MINK1: variants seen among roughly 807,000 people sequenced by gnomAD.
The protein encoded by MINK1 is misshapen like kinase 1.
Under a neutral mutation model 178.4 loss-of-function variants are expected in MINK1, and 46 were observed. That is an observed-to-expected ratio of 0.26 (90% CI 0.20 to 0.33). The LOEUF (loss-of-function observed/expected upper bound fraction) is 0.33. Ranked by LOEUF, MINK1 falls within the 10% of genes least tolerant of loss-of-function variation. The pLI is 1.00. For synonymous variants in MINK1, 797 were observed against 709.7 expected, an observed-to-expected ratio of 1.12 and a Z score of -1.96; for missense variants, 1,366 against 1,814.9, an observed-to-expected ratio of 0.75 and a Z score of 4.49.
In MINK1 at chr17:4,890,675, G is replaced by T; in HGVS notation, c.1506G>T (p.Lys502Asn). ...AGCAGCTCCTGCCTGGGGACAGGAA[G>T]CCCCTGTACCATTATGGTCGGGGCA... ...QQQQLLPGDR[K>N]PLYHYGRGMN... Residue 502 changes from lysine (K) to asparagine (N), a missense_variant, in exon 14 of 32, where the codon AAG becomes AAT. By Grantham distance (94) the Lys-to-Asn change is moderately conservative. Transcript: ENST00000355280. 6.4e-7 allele frequency: 1 copy of T among 1,551,088 alleles called. No homozygotes were observed. The highest frequency in any genetic ancestry group is 1.2e-5 in the South Asian group (1 of 84,036).
At chr17:4,834,146 G>C (rs1417383464) in intron 1 of MINK1, among the ~76,000 whole-genome samples, 2 of 151,962 alleles carry the variant, frequency 1.3e-5, no homozygotes, top group East Asian at 3.9e-4. Context: ...TCCTTTCCCT[G>C]GTCGGAATTT....
At chr17:4,851,982 A>C (rs1332031280) in intron 1 of MINK1, among the ~76,000 whole-genome samples, 1 of 141,322 alleles carries the variant, frequency 7.1e-6, no homozygotes, top group Admixed American at 7.1e-5. Context: ...CCTGGGCAAC[A>C]GAGTGAGACT....
intron 15 of MINK1, 76 bp downstream of exon 15, chr17:4,891,200 G>GCACGCACACA (rs1555541453): frequency 1.3e-5 from 13 of 1,004,128 alleles, no homozygotes; most frequent in South Asian, 7.2e-5. Flanking sequence ...ACACACGCGC[G>GCACGCACACA]CACACACACA....
At chr17:4,892,866 A>C in intron 19 of MINK1, 98 bp downstream of exon 19, 3 of 1,379,122 alleles carry the variant, frequency 2.2e-6, no homozygotes, top group Non-Finnish European at 3.0e-6. Context: ...CCACACGGAC[A>C]GGGAGGACCT....
intron 1 of MINK1, chr17:4,847,168 T>C (rs1911168472): frequency 8.3e-6 from 4 of 483,426 alleles, no homozygotes; most frequent in Middle Eastern, 3.2e-4. Context: ...TTTGAGGCAA[T>C]GTGATCCATG....
intron 1 of MINK1, among the ~76,000 whole-genome samples, chr17:4,873,113 T>G (rs1418594553): frequency 2.0e-5 from 3 of 152,186 alleles, no homozygotes. Flanking sequence ...CTTATCCCCC[T>G]GCAGCCTCCA....
chr17:4,888,424 TC>T (rs1968427509), intron 12 of MINK1, among the ~76,000 whole-genome samples: 2 of 151,892 alleles, frequency 1.3e-5, no homozygotes, highest in Admixed American at 6.6e-5. Context: ...GATCGTGAGA[TC>T]AGGAGTTCGA....
intron 1 of MINK1, chr17:4,871,074 G>A: frequency 2.7e-6 from 1 of 368,328 alleles, no homozygotes; most frequent in Non-Finnish European, 5.7e-6. Context: ...CACATAATAT[G>A]TGGCCTTTTG....
chr17:4,861,875 G>C (rs1436894516), intron 1 of MINK1, among the ~76,000 whole-genome samples: 4 of 152,192 alleles, frequency 2.6e-5, no homozygotes, highest in Non-Finnish European at 5.9e-5. Context: ...AGAAGCTCTA[G>C]TGAGTGAGAG....
chr17:4,841,548 C>G (rs1448416803), intron 1 of MINK1, among the ~76,000 whole-genome samples: 1 of 147,830 alleles, frequency 6.8e-6, no homozygotes, highest in Non-Finnish European at 1.5e-5. Context: ...CCAGCCTTTA[C>G]TGATCACATC....
intron 17 of MINK1, 82 bp from the exon 18 acceptor site, chr17:4,892,320 C>T (rs1200890968): frequency 1.1e-5 from 16 of 1,440,286 alleles, no homozygotes; most frequent in Admixed American, 4.7e-5. Flanking sequence ...CCAGCCTACC[C>T]GCCTGGGGGT....
intron 1 of MINK1, chr17:4,857,238 CACATG>C (rs1332748350): frequency 1.5e-5 from 4 of 269,046 alleles, no homozygotes; most frequent in Non-Finnish European, 1.5e-5. Context: ...CAGCTCTGGC[CACATG>C]ACAGACATGG....
intron 1 of MINK1, among the ~76,000 whole-genome samples, chr17:4,861,522 T>C (rs34430539): frequency 7.9e-5 from 12 of 152,028 alleles, no homozygotes; most frequent in Non-Finnish European, 1.6e-4. Context: ...TTTTTTTGAG[T>C]TGGAGTCTCA....
In MINK1 at chr17:4,887,088, C is replaced by A; in HGVS notation, c.950-22C>A. Reference sequence around the variant, plus strand: ...GGGTCTGGGGCGCTGGGTGAGATAACTGCAGTGGCCTCCCCCTGCAGAGGA... The same window carrying A: ...GGGTCTGGGGCGCTGGGTGAGATAAATGCAGTGGCCTCCCCCTGCAGAGGA... On this transcript the variant is annotated intron_variant, in intron 10 of 31. Transcript: ENST00000355280. This position sits in a 1 kb window ranked among gnomAD's most constrained non-coding sequence, Gnocchi z 7.6. 1 of 1,571,992 alleles carries A rather than the reference C, an allele frequency of 6.4e-7. No individual in the cohort carries two copies. Among genetic ancestry groups the A allele is most frequent in the Non-Finnish European group, 8.6e-7 (1 of 1,158,262 alleles).
At chr17:4,870,704 A>C (rs1436608339) in intron 1 of MINK1, among the ~76,000 whole-genome samples, 2 of 152,078 alleles carry the variant, frequency 1.3e-5, no homozygotes, top group Admixed American at 1.3e-4. Context: ...GCGCACCTGT[A>C]GTCCCAGCTA....
chr17:4,896,695 T>C lies in MINK1; in HGVS notation c.3797T>C (p.Ile1266Thr). 6.2e-7 allele frequency: 1 copy of C among 1,601,670 alleles called. No individual in the cohort carries two copies. The highest frequency in any genetic ancestry group is 8.5e-7 in the Non-Finnish European group (1 of 1,172,772). ...TSVAYICSNQ[I>T]MGWGEKAIEI... Reference sequence around the variant, plus strand: ...ACAGCCTACATCTGCTCCAACCAGATAATGGGCTGGGGTGAGAAAGCCATT... The same window carrying C: ...ACAGCCTACATCTGCTCCAACCAGACAATGGGCTGGGGTGAGAAAGCCATT... The change falls in exon 31 of 32, where the codon ATA (isoleucine) becomes ACA (threonine). Residue 1266 changes from isoleucine to threonine, a missense_variant. Coordinates refer to ENST00000355280, the MANE Select transcript of MINK1 (RefSeq NM_153827.5). This position sits in a 1 kb window ranked among gnomAD's most constrained non-coding sequence, Gnocchi z 4.6.
At chr17:4,884,511 T>G in intron 5 of MINK1, 38 bp downstream of exon 5, 1 of 1,455,642 alleles carries the variant, frequency 6.9e-7, no homozygotes, top group Non-Finnish European at 9.6e-7. Context: ...TCTCCTCCGC[T>G]ACCCTGGCTG....
Position 4,887,018 on chromosome 17 carries a change from A to G in MINK1, c.950-92A>G. The G allele has an allele frequency of 2.2e-6, 3 of 1,359,258 alleles. No individual in the cohort carries two copies. The highest frequency in any genetic ancestry group is 3.1e-6 in the Non-Finnish European group (3 of 983,294). The allele number at this position is 1,359,258 out of a possible 1,614,324, so 84.2% of individuals were successfully genotyped here. A position where few individuals can be genotyped will look rare whatever the true frequency, so the allele number is the denominator to read the frequency against. On this transcript the variant is annotated intron_variant, in intron 10 of 31. Transcript: ENST00000355280. This position sits in a 1 kb window ranked among gnomAD's most constrained non-coding sequence, Gnocchi z 7.6. ...TGGGGCCCCTCATGCTTGCCCAGCC[A>G]GAGAGACCTGGTTATCCCCACCCAA...
chr17:4,893,791 G>T, intron 21 of MINK1, 194 bp downstream of exon 21: 1 of 946,744 alleles, frequency 1.1e-6, no homozygotes, highest in Non-Finnish European at 1.5e-6. Flanking sequence ...TCAAGTGCCT[G>T]TCTGCCCCTG....
Sources: gnomAD v4.1 joint callset for allele counts (sites outside exome capture counted in the v4.1 genomes callset) on GRCh38, gnomAD v4.1.1 for gene constraint, Gnocchi (gnomAD v3.1) non-coding constraint, MANE v1.5 for transcripts, NCBI Gene and HGNC (gene_info 2026-07-23, HGNC 2026-07-21) for gene names.